Variants in DRICH1 observed in about 807,000 individuals in gnomAD.
DRICH1 encodes the protein aspartate rich 1.
Under a neutral mutation model 39.5 loss-of-function variants are expected in DRICH1, and 38 were observed. That is an observed-to-expected ratio of 0.96 (90% CI 0.74 to 1.26). The LOEUF (loss-of-function observed/expected upper bound fraction) is 1.26, where lower values mean the gene tolerates loss of function less well. Ranked by LOEUF, DRICH1 falls within the 50% of genes most tolerant of loss-of-function variation. The pLI is 0.00. For missense variants in DRICH1, 279 were observed against 270.4 expected (o/e 1.03, Z -0.22); for synonymous variants, 84 against 99.5 (o/e 0.84, Z 0.93).
At chr22:23,613,811 T>C (rs529890532) in intron 9 of DRICH1, 151 bp from the exon 10 acceptor site, 3 of 629,492 alleles carry the variant, frequency 4.8e-6, no homozygotes, top group Admixed American at 6.1e-5. Context: ...GCACAGAGGA[T>C]AGCTATAGAA....
At position 23,632,173 on chromosome 22, in the gene DRICH1, G is replaced by A. The variant is rs1015042106; in HGVS notation, c.-150C>T. Reference sequence around the variant, plus strand: ...CTGGGTCCTCAGCCCTTATTCTGCCGCCACCTCCCAAACTAGCTGGTCTAT... The same window carrying A: ...CTGGGTCCTCAGCCCTTATTCTGCCACCACCTCCCAAACTAGCTGGTCTAT... On this transcript the variant is annotated 5_prime_UTR_variant, in exon 1 of 12. Transcript: ENST00000317749. 55 of 1,295,242 alleles carry A rather than the reference G, an allele frequency of 4.2e-5. No individual in the cohort carries two copies. In the Admixed American group the frequency reaches 8.3e-4, roughly 20 times the overall value. 80.2% of individuals were successfully genotyped at this position (1,295,242 alleles called of 1,614,324 possible).
intron 11 of DRICH1, among the ~76,000 whole-genome samples, chr22:23,610,818 T>C (rs572011466): frequency 1.2e-4 from 16 of 131,754 alleles, no homozygotes; most frequent in African/African-American, 5.1e-4. Flanking sequence ...AAAAGCACTC[T>C]TTTTTTTTTT....
At chr22:23,606,060 A>AT (rs1412051308), downstream of DRICH1, among the ~76,000 whole-genome samples, 4 of 151,880 alleles carry the variant, frequency 2.6e-5, no homozygotes, top group East Asian at 7.7e-4. Flanking sequence ...AAAAAAAAAA[A>AT]ATTTTTTTTT....
chr22:23,628,275 T>C (rs74278261), intron 1 of DRICH1, among the ~76,000 whole-genome samples: 17 of 152,080 alleles, frequency 1.1e-4, no homozygotes, highest in Non-Finnish European at 1.8e-4. Context: ...GTCCAGTTGA[T>C]ACACACGTCA....
At chr22:23,618,859 A>C (rs1015948801) in intron 6 of DRICH1, among the ~76,000 whole-genome samples, 1 of 152,180 alleles carries the variant, frequency 6.6e-6, no homozygotes, top group Non-Finnish European at 1.5e-5. Context: ...TCATTCAGAC[A>C]TACAAAATAT....
intron 1 of DRICH1, among the ~76,000 whole-genome samples, chr22:23,626,335 T>G (rs1569096163): frequency 6.6e-6 from 1 of 152,122 alleles, no homozygotes; most frequent in Non-Finnish European, 1.5e-5. Context: ...AAACTGGTCT[T>G]CTGGGAAAGG....
intron 11 of DRICH1, among the ~76,000 whole-genome samples, chr22:23,612,824 A>G (rs1415185605): frequency 1.3e-5 from 2 of 152,202 alleles, no homozygotes; most frequent in African/African-American, 4.8e-5. Context: ...ATGAATGTGC[A>G]CTAACAAGTC....
chr22:23,587,324 T>C, the DRICH1 span, among the ~76,000 whole-genome samples: 1 of 152,252 alleles, frequency 6.6e-6, no homozygotes, highest in Non-Finnish European at 1.5e-5. Flanking sequence ...ACCGGGAATC[T>C]GGATGTGGGG....
chr22:23,627,221 C>T (rs577414382), intron 1 of DRICH1, among the ~76,000 whole-genome samples: 134 of 151,922 alleles, frequency 8.8e-4, no homozygotes, highest in Middle Eastern at 3.4e-3. Context: ...TACAGGTGTG[C>T]GTCACCACAC....
upstream of DRICH1, chr22:23,632,678 G>GGGGC (rs1555910828): frequency 6.6e-6 from 1 of 151,452 alleles, no homozygotes; most frequent in East Asian, 2.0e-4. Context: ...GAGGCTGAGC[G>GGGGC]GGGGGGGTGG....
upstream of DRICH1, among the ~76,000 whole-genome samples, chr22:23,632,483 C>G (rs1271714745): frequency 6.6e-6 from 1 of 152,150 alleles, no homozygotes; most frequent in African/African-American, 2.4e-5. Flanking sequence ...ACCTTGTGGC[C>G]CCCCTGCCCC....
At chr22:23,587,348 C>T in the DRICH1 span, among the ~76,000 whole-genome samples, 2 of 152,324 alleles carry the variant, frequency 1.3e-5, no homozygotes, top group South Asian at 2.1e-4. Context: ...CTAGGGTCAC[C>T]CGATCCCAGA....
the DRICH1 span, among the ~76,000 whole-genome samples, chr22:23,599,638 G>A: frequency 6.6e-6 from 1 of 152,130 alleles, no homozygotes; most frequent in Non-Finnish European, 1.5e-5. Context: ...TGAGAGAAGG[G>A]GCGCTGAGGT....
intron 2 of DRICH1, 122 bp from the exon 3 acceptor site, chr22:23,625,026 G>C: frequency 8.8e-7 from 1 of 1,131,508 alleles, no homozygotes; most frequent in Non-Finnish European, 1.3e-6. Flanking sequence ...TTGAGTCCAT[G>C]TCAAAGACAA....
At chr22:23,589,564 G>C in the DRICH1 span, among the ~76,000 whole-genome samples, 1 of 151,888 alleles carries the variant, frequency 6.6e-6, no homozygotes, top group Non-Finnish European at 1.5e-5. Context: ...AAATTTAAAA[G>C]TAGGTCACTT....
chr22:23,596,354 G>A, the DRICH1 span, among the ~76,000 whole-genome samples: 1 of 152,106 alleles, frequency 6.6e-6, no homozygotes. Flanking sequence ...TTGATCTACT[G>A]GACTCAAGGA....
chr22:23,626,044 G>A lies in DRICH1; in HGVS notation c.213C>T (p.Pro71=). Residue 71 remains proline, a synonymous_variant, in exon 2 of 12, where the codon CCC becomes CCT. Transcript: ENST00000317749. ...ATTTTAAACTCAGGCGGTCCTCAGGGGGACCTAAAAGGACACAGAGTTAAT... is the reference window on the plus strand; with the variant it reads ...ATTTTAAACTCAGGCGGTCCTCAGGAGGACCTAAAAGGACACAGAGTTAAT... The part of the protein sequence containing the change: ...HISNQKMPTG[P]PEDRLSLKFL... 6.2e-7 allele frequency: 1 copy of A among 1,611,624 alleles called. No homozygotes were observed. The highest frequency in any genetic ancestry group is 8.5e-7 in the Non-Finnish European group (1 of 1,178,210).
chr22:23,619,058 G>C (rs1336090669), intron 6 of DRICH1, among the ~76,000 whole-genome samples: 3 of 151,454 alleles, frequency 2.0e-5, no homozygotes, highest in Non-Finnish European at 4.4e-5. Context: ...TGTAGTCCCA[G>C]CTACTAGGGA....
In DRICH1 at chr22:23,608,602, G is replaced by A. The variant is rs989244948; in HGVS notation, c.*162C>T. 141 of 701,330 alleles carry A rather than the reference G, an allele frequency of 2.0e-4. No individual in the cohort carries two copies. The highest frequency in any genetic ancestry group is 1.4e-3 in the African/African-American group (79 of 56,856). 43.4% of individuals were successfully genotyped at this position (701,330 alleles called of 1,614,324 possible). ...GGTACAGGCCAAACCTAGTGCTGGC[G>A]GTGGGTGGGAAGCAGCCTTGGACTT... is the stretch of plus-strand genomic sequence containing the variant. On this transcript the variant is annotated 3_prime_UTR_variant, in exon 12 of 12. Coordinates refer to ENST00000317749, the MANE Select transcript of DRICH1 (RefSeq NM_016449.4).
Sources: gnomAD v4.1 joint callset for allele counts (sites outside exome capture counted in the v4.1 genomes callset) on GRCh38, gnomAD v4.1.1 for gene constraint, MANE v1.5 for transcripts, NCBI Gene and HGNC (gene_info 2026-07-23, HGNC 2026-07-21) for gene names.